The following DYNC1LI1 variants were observed in gnomAD, a reference collection of about 807,000 sequenced individuals.
The protein encoded by DYNC1LI1 is cytoplasmic dynein 1 light intermediate chain 1.
DYNC1LI1 carries 19 observed loss-of-function variants against 63.8 expected under a neutral mutation model. That is an observed-to-expected ratio of 0.30 (90% CI 0.21 to 0.44). DYNC1LI1 has a LOEUF of 0.44. DYNC1LI1 is among the 20% of genes least tolerant of loss of function. The pLI is 1.00. For missense variants in DYNC1LI1, 565 were observed against 630.2 expected, an observed-to-expected ratio of 0.90 and a Z score of 1.11; for synonymous variants, 225 against 232.3, an observed-to-expected ratio of 0.97 and a Z score of 0.28.
rs187697619 is a variant in DYNC1LI1 at position 32,558,124 on chromosome 3, C to T, written c.221-12159G>A. Among the ~76,000 whole-genome samples, 340 of 152,206 alleles carry T rather than the reference C, an allele frequency of 2.2e-3. 1 individual carries two copies. Among genetic ancestry groups the T allele is most frequent in the African/African-American group, 7.3e-3 (302 of 41,514 alleles). ...TGGCACACACCTGTAGCCCCAGCTA[C>T]TCAGGAGGCTGAGGTGGGAGATCAC... On this transcript the variant is annotated intron_variant, in intron 2 of 12. Coordinates refer to ENST00000273130, the MANE Select transcript of DYNC1LI1 (RefSeq NM_016141.4).
intron 2 of DYNC1LI1, among the ~76,000 whole-genome samples, chr3:32,553,987 C>T (rs1698078416): frequency 1.3e-5 from 2 of 152,152 alleles, no homozygotes; most frequent in African/African-American, 4.8e-5. Context: ...GCATTTGAGG[C>T]CAGCCTGGGC....
Position 32,528,535 on chromosome 3 carries a change from G to T in DYNC1LI1, c.1373C>A (p.Ser458Tyr). ...ACCACTCACACCAGGGCCTCCTGGA[G>T]AGCCAGTCTTTTTACTCAACAAACT... ...FNSLLSKKTG[S>Y]PGGPGVSGGS... Residue 458 changes from serine to tyrosine, a missense_variant, in exon 12 of 13, where the codon TCT (serine) becomes TAT (tyrosine). Transcript: ENST00000273130. 6.2e-7 allele frequency: 1 copy of T among 1,614,042 alleles called. No individual in the cohort carries two copies. The highest frequency in any genetic ancestry group is 1.7e-5 in the Admixed American group (1 of 60,014).
chr3:32,553,328 A>G (rs1698069587), intron 2 of DYNC1LI1, among the ~76,000 whole-genome samples: 1 of 152,108 alleles, frequency 6.6e-6, no homozygotes, highest in South Asian at 2.1e-4. Flanking sequence ...AGAGTGAGAC[A>G]CTATCCCAAA....
intron 2 of DYNC1LI1, among the ~76,000 whole-genome samples, chr3:32,556,328 T>A (rs772672210): frequency 1.8e-4 from 28 of 152,224 alleles, no homozygotes; most frequent in Non-Finnish European, 3.7e-4. Context: ...CAGAGGGTCA[T>A]CTTAGACGTG....
At chr3:32,544,768 A>G (rs1164184825) in intron 4 of DYNC1LI1, 108 bp downstream of exon 4, 1 of 752,410 alleles carries the variant, frequency 1.3e-6, no homozygotes, top group Non-Finnish European at 2.1e-6. Context: ...AGTACTTACA[A>G]TATGCTTACT....
Position 32,526,401 on chromosome 3 carries a change from C to T in DYNC1LI1, c.*398G>A, listed in dbSNP as rs1340863829. 1 of 153,782 alleles carries T rather than the reference C, an allele frequency of 6.5e-6. No individual in the cohort carries two copies. The highest frequency in any genetic ancestry group is 2.4e-5 in the African/African-American group (1 of 41,448). 9.5% of individuals were successfully genotyped at this position (153,782 alleles called of 1,614,324 possible). On this transcript the variant is annotated 3_prime_UTR_variant, in exon 13 of 13. Coordinates refer to ENST00000273130, the MANE Select transcript of DYNC1LI1 (RefSeq NM_016141.4). Reference sequence around the variant, plus strand: ...TTAAAAATGATTTTAATAGTTATAACTAAAATAAGCTTAGACTTCCAAGTC... The same window carrying T: ...TTAAAAATGATTTTAATAGTTATAATTAAAATAAGCTTAGACTTCCAAGTC...
chr3:32,555,681 G>A (rs1698105566), intron 2 of DYNC1LI1, among the ~76,000 whole-genome samples: 1 of 152,082 alleles, frequency 6.6e-6, no homozygotes, highest in Non-Finnish European at 1.5e-5. Flanking sequence ...TGATCTTCCT[G>A]AACCGATCTC....
chr3:32,528,959 G>A (rs78733126), intron 11 of DYNC1LI1, among the ~76,000 whole-genome samples: 4 of 152,162 alleles, frequency 2.6e-5, no homozygotes, highest in African/African-American at 4.8e-5. Context: ...TATGAAAACC[G>A]GTAGAAGTTG....
rs1697746910 is a variant in DYNC1LI1, at chr3:32,534,392, G to C, written c.968+119C>G. ...ACAAAAAACAATCTAGGAACAGATA[G>C]ATTCTCACTTTCTCATCATGGAAGG... On this transcript the variant is annotated intron_variant, in intron 7 of 12. Transcript: ENST00000273130. 5.5e-6 allele frequency: 4 copies of C among 725,706 alleles called. No homozygotes were observed. The Admixed American group carries it at 1.2e-4, about 21-fold the overall frequency. 45.0% of individuals were successfully genotyped at this position (725,706 alleles called of 1,614,324 possible). A position where few individuals can be genotyped will look rare whatever the true frequency, so the allele number is the denominator to read the frequency against.
chr3:32,547,829 A>G (rs1178703809), intron 2 of DYNC1LI1, among the ~76,000 whole-genome samples: 2 of 152,184 alleles, frequency 1.3e-5, no homozygotes, highest in Non-Finnish European at 2.9e-5. Context: ...CATTATTCAC[A>G]ATAGCCAAGA....
intron 4 of DYNC1LI1, among the ~76,000 whole-genome samples, chr3:32,542,247 G>C (rs1160415715): frequency 6.6e-6 from 1 of 152,008 alleles, no homozygotes; most frequent in Non-Finnish European, 1.5e-5. Flanking sequence ...GTAGCTACAG[G>C]CATGTGCCAC....
intron 2 of DYNC1LI1, among the ~76,000 whole-genome samples, chr3:32,565,304 T>C (rs952155644): frequency 6.6e-6 from 1 of 152,236 alleles, no homozygotes; most frequent in African/African-American, 2.4e-5. Context: ...GAGGCTTATA[T>C]GACTTGACAA....
intron 8 of DYNC1LI1, chr3:32,532,506 T>TATATATATAA (rs1375889866): frequency 8.2e-5 from 12 of 145,836 alleles, no homozygotes; most frequent in African/African-American, 2.0e-4. Flanking sequence ...TATATATATA[T>TATATATATAA]AAAATTGAAA....
intron 10 of DYNC1LI1, 73 bp downstream of exon 10, chr3:32,530,211 C>T: frequency 1.6e-6 from 2 of 1,236,288 alleles, no homozygotes; most frequent in East Asian, 2.6e-5. Flanking sequence ...GAAATATGTA[C>T]ATAATTAATA....
At chr3:32,537,907 A>C in intron 5 of DYNC1LI1, among the ~76,000 whole-genome samples, 1 of 85,436 alleles carries the variant, frequency 1.2e-5, no homozygotes, top group African/African-American at 5.2e-5. Flanking sequence ...TATAATATAT[A>C]TATATAATTT....
intron 5 of DYNC1LI1, among the ~76,000 whole-genome samples, chr3:32,538,413 T>G (rs1697830680): frequency 6.6e-6 from 1 of 151,830 alleles, no homozygotes; most frequent in Non-Finnish European, 1.5e-5. Context: ...AATAAAAATA[T>G]TTTAAGGCCA....
intron 4 of DYNC1LI1, among the ~76,000 whole-genome samples, chr3:32,544,172 T>C (rs1361933945): frequency 2.6e-5 from 4 of 152,208 alleles, no homozygotes; most frequent in South Asian, 4.1e-4. Context: ...ATGTACAAAA[T>C]ATGTACTTTA....
At chr3:32,540,969 C>G in intron 5 of DYNC1LI1, 68 bp downstream of exon 5, 2 of 1,309,948 alleles carry the variant, frequency 1.5e-6, no homozygotes, top group African/African-American at 1.5e-5. Context: ...TCCAAAAAAC[C>G]TGGAAAACAA....
chr3:32,543,461 G>A (rs1268642238), intron 4 of DYNC1LI1, among the ~76,000 whole-genome samples: 9 of 146,920 alleles, frequency 6.1e-5, no homozygotes, highest in African/African-American at 2.0e-4. Context: ...GTACAGTGGC[G>A]CAATCTCAGC....
Sources: gnomAD v4.1 joint callset for allele counts (sites outside exome capture counted in the v4.1 genomes callset) on GRCh38, gnomAD v4.1.1 for gene constraint, MANE v1.5 for transcripts, NCBI Gene and HGNC (gene_info 2026-07-23, HGNC 2026-07-21) for gene names.